ZSCAN25: variants seen among roughly 807,000 people sequenced by gnomAD.
ZSCAN25 encodes zinc finger and SCAN domain containing 25, also known as zinc finger and SCAN domain-containing protein 25.
In ZSCAN25, 27 loss-of-function variants were observed where a neutral mutation model predicts 38.7. The observed-to-expected ratio is 0.70, with a 90% CI of 0.51 to 0.96. The LOEUF (loss-of-function observed/expected upper bound fraction) is 0.96. Among genes scored for constraint, ZSCAN25 ranks in the 40% least tolerant of loss-of-function variants. ZSCAN25 has a pLI of 0.00. For synonymous variants in ZSCAN25, 273 were observed against 277.7 expected, an observed-to-expected ratio of 0.98 and a Z score of 0.17; for missense variants, 637 against 705.9, an observed-to-expected ratio of 0.90 and a Z score of 1.11.
the ZSCAN25 span, among the ~76,000 whole-genome samples, chr7:99,699,730 G>C: frequency 4.7e-4 from 72 of 152,250 alleles, no homozygotes; most frequent in African/African-American, 1.7e-3. Context: ...ACTAACAAAT[G>C]CTGTCCCCAA....
the ZSCAN25 span, among the ~76,000 whole-genome samples, chr7:99,682,830 A>G: frequency 6.6e-6 from 1 of 152,126 alleles, no homozygotes; most frequent in Non-Finnish European, 1.5e-5. Context: ...AATTGTAGAC[A>G]TCTTTCTCTT....
At chr7:99,725,124 C>T in the ZSCAN25 span, among the ~76,000 whole-genome samples, 1 of 152,090 alleles carries the variant, frequency 6.6e-6, no homozygotes, top group Non-Finnish European at 1.5e-5. Flanking sequence ...GCATACAAGG[C>T]TGTTAATTAT....
chr7:99,687,268 A>G, the ZSCAN25 span, among the ~76,000 whole-genome samples: 1 of 152,208 alleles, frequency 6.6e-6, no homozygotes. Flanking sequence ...GAAGTTAAAA[A>G]GTTGAAATAA....
Position 99,632,281 on chromosome 7 carries a change from G to T in ZSCAN25, c.*2261G>T. ...TTTTTCATATCTATTCAAATGTTAAGAAATATTTTGTTTTCTGTATTTTTC... is the reference window on the plus strand; with the variant it reads ...TTTTTCATATCTATTCAAATGTTAATAAATATTTTGTTTTCTGTATTTTTC... On this transcript the variant is annotated 3_prime_UTR_variant, in exon 8 of 8. Coordinates refer to ENST00000394152, the MANE Select transcript of ZSCAN25 (RefSeq NM_145115.3). 1 of 978,550 alleles carries T rather than the reference G, an allele frequency of 1.0e-6. No individual in the cohort carries two copies. Among genetic ancestry groups the T allele is most frequent in the Non-Finnish European group, 1.2e-6 (1 of 823,804 alleles). The allele number at this position is 978,550 out of a possible 1,614,324, so 60.6% of individuals were successfully genotyped here. A position where few individuals can be genotyped will look rare whatever the true frequency, so the allele number is the denominator to read the frequency against.
chr7:99,723,603 G>A, the ZSCAN25 span, among the ~76,000 whole-genome samples: 1 of 152,094 alleles, frequency 6.6e-6, no homozygotes, highest in Non-Finnish European at 1.5e-5. Flanking sequence ...GGGACAGGGG[G>A]ACTCCTTCGG....
At chr7:99,670,104 T>C in the ZSCAN25 span, among the ~76,000 whole-genome samples, 1 of 152,330 alleles carries the variant, frequency 6.6e-6, no homozygotes, top group Middle Eastern at 3.4e-3. Flanking sequence ...TAGCAAGTCA[T>C]TCACTTTTTA....
rs1807901120 is a variant in ZSCAN25, at chr7:99,630,396, G to C, written c.*376G>C. ...TCCTGAGGGCTCTGTCTTGCCTGCA[G>C]GGTCATAGCTCAGACTCTTCCCCCA... On this transcript the variant is annotated 3_prime_UTR_variant, in exon 8 of 8. Transcript: ENST00000394152. 9.6e-7 allele frequency: 1 copy of C among 1,044,264 alleles called. No homozygotes were observed. Among genetic ancestry groups the C allele is most frequent in the Non-Finnish European group, 1.2e-6 (1 of 867,206 alleles). 64.7% of individuals were successfully genotyped at this position (1,044,264 alleles called of 1,614,324 possible).
chr7:99,687,492 A>G, the ZSCAN25 span, among the ~76,000 whole-genome samples: 2 of 152,332 alleles, frequency 1.3e-5, no homozygotes, highest in African/African-American at 2.4e-5. Flanking sequence ...AAAGAAATGA[A>G]CAAAGCCTCC....
At chr7:99,716,004 C>A in the ZSCAN25 span, 4 of 1,605,342 alleles carry the variant, frequency 2.5e-6, no homozygotes, top group Non-Finnish European at 3.4e-6. Context: ...TCAAGACAGA[C>A]AAACAGCCAC....
chr7:99,682,283 T>C, the ZSCAN25 span, among the ~76,000 whole-genome samples: 2 of 152,240 alleles, frequency 1.3e-5, no homozygotes, highest in Non-Finnish European at 2.9e-5. Flanking sequence ...TTTCAGTCTT[T>C]CGTCCACCTT....
the ZSCAN25 span, among the ~76,000 whole-genome samples, chr7:99,669,257 A>G: frequency 1.3e-5 from 2 of 152,352 alleles, no homozygotes; most frequent in South Asian, 2.1e-4. Flanking sequence ...TTCAAAGACT[A>G]CAATTTGAAG....
the ZSCAN25 span, among the ~76,000 whole-genome samples, chr7:99,716,135 A>T: frequency 6.6e-6 from 1 of 152,184 alleles, no homozygotes; most frequent in East Asian, 1.9e-4. Flanking sequence ...ACTGAGTTAG[A>T]CTTACCTCTG....
the ZSCAN25 span, chr7:99,652,175 A>T: frequency 6.7e-6 from 1 of 148,608 alleles, no homozygotes; most frequent in African/African-American, 2.4e-5. Context: ...ATATATATAT[A>T]TTTATATATA....
chr7:99,632,986 G>GTTTTTTTTTGTTTTTTTTTTTT (rs201141594), downstream of ZSCAN25, among the ~76,000 whole-genome samples: 12 of 141,538 alleles, frequency 8.5e-5, no homozygotes, highest in East Asian at 1.7e-3. Context: ...TGCATTTTCT[G>GTTTTTTTTTGTTTTTTTTTTTT]TTGTTTTTTT....
the ZSCAN25 span, among the ~76,000 whole-genome samples, chr7:99,664,361 C>T: frequency 1.4e-4 from 21 of 152,172 alleles, no homozygotes; most frequent in Admixed American, 5.2e-4. Flanking sequence ...AATTCCCTGA[C>T]CTCTTAGCCT....
the ZSCAN25 span, among the ~76,000 whole-genome samples, chr7:99,651,281 T>C: frequency 6.6e-6 from 1 of 152,218 alleles, no homozygotes; most frequent in Non-Finnish European, 1.5e-5. Context: ...CATATACGTA[T>C]ATATCACATG....
the ZSCAN25 span, chr7:99,663,016 C>T: frequency 1.4e-6 from 2 of 1,442,372 alleles, no homozygotes; most frequent in Non-Finnish European, 1.8e-6. Context: ...AGACGTGTTA[C>T]CTGAGTCACC....
the ZSCAN25 span, among the ~76,000 whole-genome samples, chr7:99,655,418 G>A: frequency 6.6e-6 from 1 of 152,186 alleles, no homozygotes; most frequent in Non-Finnish European, 1.5e-5. Context: ...TCAGGGCTCT[G>A]TTCTGCTCCA....
At position 99,632,051 on chromosome 7, in the gene ZSCAN25, A is replaced by G; in HGVS notation, c.*2031A>G. On this transcript the variant is annotated 3_prime_UTR_variant, in exon 8 of 8. Coordinates refer to ENST00000394152, the MANE Select transcript of ZSCAN25 (RefSeq NM_145115.3). ...TCGGGGGGCTGCTTGTCATTACCTG[A>G]ATCACAGATGCTCTTTTGTCATACA... 1 of 985,378 alleles carries G rather than the reference A, an allele frequency of 1.0e-6. No individual in the cohort carries two copies. Among genetic ancestry groups the G allele is most frequent in the Non-Finnish European group, 1.2e-6 (1 of 829,950 alleles). 61.0% of individuals were successfully genotyped at this position (985,378 alleles called of 1,614,324 possible). A position where few individuals can be genotyped will look rare whatever the true frequency, so the allele number is the denominator to read the frequency against.
Sources: gnomAD v4.1 joint callset for allele counts (sites outside exome capture counted in the v4.1 genomes callset) on GRCh38, gnomAD v4.1.1 for gene constraint, MANE v1.5 for transcripts, NCBI Gene and HGNC (gene_info 2026-07-23, HGNC 2026-07-21) for gene names.